RERE: variants seen among roughly 807,000 people sequenced by gnomAD.
The protein encoded by RERE is arginine-glutamic acid dipeptide repeats, also known as arginine-glutamic acid dipeptide repeats protein.
A neutral mutation model predicts 146.1 loss-of-function variants in RERE; 40 were observed. That is an observed-to-expected ratio of 0.27 (90% CI 0.21 to 0.36). The LOEUF (loss-of-function observed/expected upper bound fraction) is 0.36. Among genes scored for constraint, RERE ranks in the 10% least tolerant of loss-of-function variants. RERE has a pLI of 1.00. For missense variants in RERE, 1,933 were observed against 2,138.7 expected (o/e 0.90, Z 1.90); for synonymous variants, 1,003 against 866.0 (o/e 1.16, Z -2.78).
At chr1:8,767,682 T>TA (rs35809003) in intron 1 of RERE, among the ~76,000 whole-genome samples, 3 of 150,714 alleles carry the variant, frequency 2.0e-5, no homozygotes, top group African/African-American at 4.9e-5. Flanking sequence ...CTTTCTTTAT[T>TA]AAAAAAAATT....
intron 12 of RERE, among the ~76,000 whole-genome samples, chr1:8,383,668 G>C (rs532988712): frequency 3.5e-4 from 53 of 152,200 alleles, no homozygotes; most frequent in Non-Finnish European, 6.8e-4. Flanking sequence ...AGACCAGCCT[G>C]ACCAACACGG....
At chr1:8,584,407 CATG>C (rs997123506) in intron 4 of RERE, among the ~76,000 whole-genome samples, 13 of 152,080 alleles carry the variant, frequency 8.5e-5, no homozygotes, top group Admixed American at 8.5e-4. Context: ...ATTATCTGGG[CATG>C]ATGGTGTAGG....
chr1:8,442,250 T>A (rs1221098113), intron 11 of RERE, among the ~76,000 whole-genome samples: 1 of 152,066 alleles, frequency 6.6e-6, no homozygotes, highest in Admixed American at 6.6e-5. Flanking sequence ...CCAGGCATAG[T>A]GGCGCACGCC....
At chr1:8,799,152 T>G (rs2124587371) in intron 1 of RERE, among the ~76,000 whole-genome samples, 1 of 150,338 alleles carries the variant, frequency 6.7e-6, no homozygotes, top group African/African-American at 2.5e-5. Context: ...CGCCACCACG[T>G]CCAGCTAATT....
intron 7 of RERE, among the ~76,000 whole-genome samples, chr1:8,509,166 G>A (rs1304585877): frequency 2.0e-5 from 3 of 151,902 alleles, no homozygotes; most frequent in Non-Finnish European, 4.4e-5. Flanking sequence ...GGCTGGTCTC[G>A]AACTCCTGAC....
At chr1:8,789,153 TATG>T (rs1319385473) in intron 1 of RERE, among the ~76,000 whole-genome samples, 70 of 150,384 alleles carry the variant, frequency 4.7e-4, no homozygotes, top group African/African-American at 1.6e-3. Context: ...TTGTATAAAA[TATG>T]ATACTAGGCT....
chr1:8,796,010 A>C (rs1365184041), intron 1 of RERE, among the ~76,000 whole-genome samples: 1 of 151,100 alleles, frequency 6.6e-6, no homozygotes, highest in African/African-American at 2.4e-5. Context: ...AAAACAAAAC[A>C]GGAATTATGT....
chr1:8,467,939 C>A (rs915396076), intron 10 of RERE, among the ~76,000 whole-genome samples: 1 of 152,174 alleles, frequency 6.6e-6, no homozygotes, highest in Admixed American at 6.5e-5. Flanking sequence ...CCACCGCACC[C>A]GGCCCAAACA....
chr1:8,717,550 T>C (rs781188540), intron 1 of RERE, among the ~76,000 whole-genome samples: 9 of 152,234 alleles, frequency 5.9e-5, no homozygotes, highest in African/African-American at 1.7e-4. Context: ...TGTAGAAACA[T>C]ACCTTAAAGG....
chr1:8,695,587 TA>T (rs34953565), intron 1 of RERE, among the ~76,000 whole-genome samples: 7,458 of 36,638 alleles, frequency 0.2, 344 homozygotes, highest in East Asian at 0.5. Flanking sequence ...CCATTTCTAC[TA>T]AAAAAAAAAA....
At chr1:8,655,309 C>T (rs564106865) in intron 2 of RERE, among the ~76,000 whole-genome samples, 2 of 151,978 alleles carry the variant, frequency 1.3e-5, no homozygotes, top group East Asian at 3.9e-4. Context: ...TGGGTTCAAG[C>T]AATTCTCCCG....
chr1:8,806,538 A>C (rs1209810252), intron 1 of RERE, among the ~76,000 whole-genome samples: 2 of 152,112 alleles, frequency 1.3e-5, no homozygotes, highest in Non-Finnish European at 1.5e-5. Flanking sequence ...TAATAATAAT[A>C]ATAACTTCCT....
At chr1:8,647,868 GGGGACTCCCTCCCCA>G (rs1336066026) in intron 2 of RERE, among the ~76,000 whole-genome samples, 5 of 152,194 alleles carry the variant, frequency 3.3e-5, no homozygotes, top group African/African-American at 1.2e-4. Context: ...TTAAAATATC[GGGGACTCCCTCCCCA>G]CTTTAAACAG....
intron 4 of RERE, among the ~76,000 whole-genome samples, chr1:8,578,197 T>C (rs1378794475): frequency 4.6e-5 from 7 of 152,240 alleles, no homozygotes; most frequent in Non-Finnish European, 1.0e-4. Flanking sequence ...ATAACATATT[T>C]TGTCTATGTT....
intron 4 of RERE, among the ~76,000 whole-genome samples, chr1:8,573,894 C>G (rs1212270528): frequency 6.6e-6 from 1 of 152,312 alleles, no homozygotes; most frequent in East Asian, 1.9e-4. Flanking sequence ...CAGCCTTGAC[C>G]TCCTGGGCTC....
intron 11 of RERE, among the ~76,000 whole-genome samples, chr1:8,451,533 C>T (rs2124072765): frequency 6.6e-6 from 1 of 152,324 alleles, no homozygotes; most frequent in African/African-American, 2.4e-5. Context: ...AGTGTCCTAA[C>T]ATCCTGGGAC....
chr1:8,817,584 G>C lies in RERE; in HGVS notation c.-569C>G, dbSNP rs1307983413. On this transcript the variant is annotated 5_prime_UTR_variant, in exon 1 of 23. Coordinates refer to ENST00000400908, the MANE Select transcript of RERE (RefSeq NM_001042681.2). Reference sequence around the variant, plus strand: ...CGAGGCCCAGCGGGGCGAGCGTCTCGGGGTGTGCGGGAGGCTGAGGAGGCT... The same window carrying C: ...CGAGGCCCAGCGGGGCGAGCGTCTCCGGGTGTGCGGGAGGCTGAGGAGGCT... 6.6e-6 allele frequency: 1 copy of C among 150,914 alleles called. No individual in the cohort carries two copies. Among genetic ancestry groups the C allele is most frequent in the Non-Finnish European group, 1.5e-5 (1 of 67,780 alleles). 9.3% of individuals were successfully genotyped at this position (150,914 alleles called of 1,614,324 possible). A position where few individuals can be genotyped will look rare whatever the true frequency, so the allele number is the denominator to read the frequency against.
In RERE at chr1:8,360,655, A is replaced by G. The variant is rs1314863244; in HGVS notation, c.2852T>C (p.Leu951Pro). The change falls in exon 18 of 23, where the codon CTC becomes CCC. Residue 951 changes from leucine to proline, a missense_variant. Transcript: ENST00000400908. Reference sequence around the variant, plus strand: ...CATGGAGAAGGGTGAGGGCCCCGAGAGGTGGGGAGGGTGCTTGTGGGCCTG... The same window carrying G: ...CATGGAGAAGGGTGAGGGCCCCGAGGGGTGGGGAGGGTGCTTGTGGGCCTG... ...APQAHKHPPH[L>P]SGPSPFSMNA... The G allele has an allele frequency of 1.4e-6, 2 of 1,444,012 alleles. No homozygotes were observed. Among genetic ancestry groups the G allele is most frequent in the Non-Finnish European group, 1.8e-6 (2 of 1,101,396 alleles). 89.4% of individuals were successfully genotyped at this position (1,444,012 alleles called of 1,614,324 possible). A position where few individuals can be genotyped will look rare whatever the true frequency, so the allele number is the denominator to read the frequency against.
intron 12 of RERE, among the ~76,000 whole-genome samples, chr1:8,410,474 T>C (rs939678456): frequency 7.2e-5 from 11 of 152,056 alleles, no homozygotes; most frequent in African/African-American, 2.7e-4. Flanking sequence ...ATCAGAACAA[T>C]GTATGGAAGG....
Sources: allele counts gnomAD v4.1 joint callset (sites outside exome capture counted in the v4.1 genomes callset), GRCh38; gene constraint gnomAD v4.1.1; transcripts MANE v1.5; gene names NCBI Gene and HGNC (gene_info 2026-07-23, HGNC 2026-07-21).